ARFGEF3: variants seen among roughly 807,000 people sequenced by gnomAD.
The protein encoded by ARFGEF3 is ARFGEF family member 3.
In ARFGEF3, 96 loss-of-function variants were observed where a neutral mutation model predicts 221.7. The observed-to-expected ratio is 0.43, with a 90% confidence interval of 0.37 to 0.51. ARFGEF3 has a LOEUF of 0.51. ARFGEF3 is among the 20% of genes least tolerant of loss of function. The pLI is 0.00. For synonymous variants in ARFGEF3, 1,145 were observed against 1,126.8 expected, an observed-to-expected ratio of 1.02 and a Z score of -0.32; for missense variants, 2,410 against 2,789.9, an observed-to-expected ratio of 0.86 and a Z score of 3.07.
rs1189228212 is a variant in ARFGEF3 at position 138,278,444 on chromosome 6, C to T, written c.2129-7C>T. Reference sequence around the variant, plus strand: ...ACCCCCAAAAGTCCCTTCATTGTCTCCCTTAGGCATGATGCACTCTCCTGG... The same window carrying T: ...ACCCCCAAAAGTCCCTTCATTGTCTTCCTTAGGCATGATGCACTCTCCTGG... On this transcript the variant is annotated splice_polypyrimidine_tract_variant and splice_region_variant and intron_variant, in intron 12 of 33. Coordinates refer to ENST00000251691, the MANE Select transcript of ARFGEF3 (RefSeq NM_020340.5). 1.2e-6 allele frequency: 2 copies of T among 1,613,524 alleles called. No individual in the cohort carries two copies. The highest frequency in any genetic ancestry group is 1.7e-5 in the Admixed American group (1 of 60,000).
chr6:138,182,785 G>T (rs1430651628), intron 2 of ARFGEF3, among the ~76,000 whole-genome samples: 3 of 152,132 alleles, frequency 2.0e-5, no homozygotes, highest in Non-Finnish European at 4.4e-5. Flanking sequence ...GTTTTTTAAT[G>T]AGGGTTAAGG....
At chr6:138,216,845 G>T (rs751344577) in intron 4 of ARFGEF3, 18 of 152,216 alleles carry the variant, frequency 1.2e-4, no homozygotes, top group Non-Finnish European at 2.4e-4. Context: ...CATATTGTTT[G>T]TGCAGTTAAT....
At chr6:138,311,356 G>A (rs1779824348) in intron 24 of ARFGEF3, 51 bp from the exon 25 acceptor site, 3 of 1,164,726 alleles carry the variant, frequency 2.6e-6, no homozygotes, top group African/African-American at 3.0e-5. Flanking sequence ...CTGTTACAGG[G>A]GGGCACGCAA....
intron 22 of ARFGEF3, among the ~76,000 whole-genome samples, chr6:138,301,007 C>T (rs1779619848): frequency 6.6e-6 from 1 of 152,168 alleles, no homozygotes; most frequent in Non-Finnish European, 1.5e-5. Context: ...TAGGAAATAA[C>T]ATGTCATTGA....
rs766719129 is a variant in ARFGEF3, at chr6:138,298,670, C to T, written c.3713C>T (p.Thr1238Ile). 1.2e-6 allele frequency: 2 copies of T among 1,613,582 alleles called. No individual in the cohort carries two copies. The highest frequency in any genetic ancestry group is 1.7e-6 in the Non-Finnish European group (2 of 1,179,716). ...GTTTCCTTCATCCATGACATACTGA[C>T]AGAAGTCCTCACTGACTGGAATGAG... ...KAVSFIHDIL[T>I]EVLTDWNEPP... Residue 1238 changes from threonine to isoleucine, a missense_variant, in exon 22 of 34, where the codon ACA becomes ATA. This residue lies in a region of ARFGEF3 where 723 missense variants were observed against 991.9 expected (regional missense o/e 0.73). Transcript: ENST00000251691.
chr6:138,253,955 C>T lies in ARFGEF3; in HGVS notation c.741C>T (p.His247=). 1.9e-6 allele frequency: 3 copies of T among 1,596,092 alleles called. No homozygotes were observed. Among genetic ancestry groups the T allele is most frequent in the Non-Finnish European group, 2.6e-6 (3 of 1,171,804 alleles). The change falls in exon 9 of 34, where the codon CAC becomes CAT. Residue 247 remains histidine (H), a synonymous_variant. Transcript: ENST00000251691. ...TCAGCAGCTCCTCCTCCTCCATGCA[C>T]CTGCACAGGCGCTTCACGGACCTGA... is the stretch of plus-strand genomic sequence containing the variant. ...SVLSSSSSSM[H]LHRRFTDLIW...
intron 11 of ARFGEF3, among the ~76,000 whole-genome samples, chr6:138,262,183 A>G (rs1054013769): frequency 1.3e-4 from 19 of 145,582 alleles, no homozygotes; most frequent in African/African-American, 4.6e-4. Context: ...TTCAATGCAG[A>G]CCACTTTTTT....
intron 2 of ARFGEF3, among the ~76,000 whole-genome samples, chr6:138,198,046 T>G (rs181889093): frequency 2.0e-5 from 3 of 152,304 alleles, no homozygotes; most frequent in East Asian, 3.9e-4. Flanking sequence ...CTTGTTTGGA[T>G]TTTTCTTATA....
intron 26 of ARFGEF3, 56 bp downstream of exon 26, chr6:138,313,995 G>A (rs45481899): frequency 4.5e-6 from 7 of 1,568,442 alleles, no homozygotes; most frequent in Non-Finnish European, 6.1e-6. Flanking sequence ...ATTCCCAGAA[G>A]CTTAAGTCAT....
At chr6:138,330,750 C>A (rs1349559783) in intron 32 of ARFGEF3, among the ~76,000 whole-genome samples, 1 of 152,120 alleles carries the variant, frequency 6.6e-6, no homozygotes, top group Admixed American at 6.5e-5. Flanking sequence ...GGTGAAATTT[C>A]TAGGTAATAA....
chr6:138,243,013 A>G lies in ARFGEF3; in HGVS notation c.586+19A>G. The G allele has an allele frequency of 6.2e-7, 1 of 1,605,930 alleles. No individual in the cohort carries two copies. The highest frequency in any genetic ancestry group is 8.5e-7 in the Non-Finnish European group (1 of 1,174,032). On this transcript the variant is annotated intron_variant, in intron 7 of 33. Transcript: ENST00000251691. ...AATCAAGGTATGGCATTTGATTTGT[A>G]CTAGTTCAGTTTTTAAAGCAGGTGT...
chr6:138,226,620 A>G (rs2114526923), intron 4 of ARFGEF3, among the ~76,000 whole-genome samples: 1 of 152,286 alleles, frequency 6.6e-6, no homozygotes, highest in Non-Finnish European at 1.5e-5. Flanking sequence ...TGTGAAGGAT[A>G]TATTTTTAAT....
chr6:138,211,417 C>T (rs1475523178), intron 4 of ARFGEF3, among the ~76,000 whole-genome samples: 2 of 152,188 alleles, frequency 1.3e-5, no homozygotes, highest in East Asian at 1.9e-4. Context: ...CTTATCCTTT[C>T]AGTTTGGCAG....
chr6:138,306,664 T>C (rs1423988222), intron 22 of ARFGEF3, among the ~76,000 whole-genome samples: 1 of 152,150 alleles, frequency 6.6e-6, no homozygotes, highest in African/African-American at 2.4e-5. Context: ...AATTGATTTT[T>C]GATGAAGATA....
intron 1 of ARFGEF3, among the ~76,000 whole-genome samples, chr6:138,164,375 TTC>T (rs1776680053): frequency 6.6e-6 from 1 of 152,226 alleles, no homozygotes; most frequent in South Asian, 2.1e-4. Context: ...TGTGGCACAC[TTC>T]TCTCTTTGCC....
In ARFGEF3 at chr6:138,207,033, G is replaced by T; in HGVS notation, c.138-9G>T. The T allele has an allele frequency of 6.2e-7, 1 of 1,602,728 alleles. No individual in the cohort carries two copies. The highest frequency in any genetic ancestry group is 8.5e-7 in the Non-Finnish European group (1 of 1,174,360). ...GCTCACATGTTGTCCTTATTTTTGT[G>T]TTTGCCAGGGAGAAATGCCTGCTGC... On this transcript the variant is annotated splice_polypyrimidine_tract_variant and intron_variant, in intron 2 of 33. Transcript: ENST00000251691.
At chr6:138,187,840 G>A (rs1215038638) in intron 2 of ARFGEF3, among the ~76,000 whole-genome samples, 2 of 152,124 alleles carry the variant, frequency 1.3e-5, no homozygotes, top group Admixed American at 6.6e-5. Context: ...TACTAAAAAG[G>A]CATCGGGTGG....
rs1356460267 is a variant in ARFGEF3 at position 138,213,624 on chromosome 6, G to A, written c.351+3583G>A. Among the ~76,000 whole-genome samples the A allele has an allele frequency of 5.3e-5, 8 of 151,792 alleles. No individual in the cohort carries two copies. The East Asian group carries it at 9.7e-4, about 18-fold the overall frequency. ...CATGATTTCACTCACATGTGGAATC[G>A]AAAAAAGTTGATCTCACGGAAGTAG... is the stretch of plus-strand genomic sequence containing the variant. On this transcript the variant is annotated intron_variant, in intron 4 of 33. Transcript: ENST00000251691.
At chr6:138,254,132 T>C in intron 9 of ARFGEF3, 148 bp downstream of exon 9, 1 of 575,444 alleles carries the variant, frequency 1.7e-6, no homozygotes, top group Non-Finnish European at 2.9e-6. Flanking sequence ...GCAGGGAAAT[T>C]GTGGCCAGGT....
Sources: allele counts gnomAD v4.1 joint callset (sites outside exome capture counted in the v4.1 genomes callset), GRCh38; gene constraint gnomAD v4.1.1; regional missense constraint gnomAD v4.1.1; transcripts MANE v1.5; gene names NCBI Gene and HGNC (gene_info 2026-07-23, HGNC 2026-07-21).